The following ZMYM2 variants were observed in gnomAD, a reference collection of about 807,000 sequenced individuals.
ZMYM2 encodes the protein zinc finger MYM-type protein 2.
ZMYM2 carries 56 observed loss-of-function variants against 162.8 expected under a neutral mutation model. The ratio of observed to expected loss-of-function variants is 0.34; its 90% CI spans 0.28 to 0.43. The LOEUF (loss-of-function observed/expected upper bound fraction) is 0.43. ZMYM2 is among the 20% of genes least tolerant of loss of function. The probability of loss-of-function intolerance (pLI) is 1.00; values close to 1 mark genes in which losing one functional copy is unlikely to be tolerated. For synonymous variants in ZMYM2, 510 were observed against 541.6 expected (o/e 0.94, Z 0.81); for missense variants, 1,275 against 1,621.8 (o/e 0.79, Z 3.67).
chr13:19,985,384 A>G (rs1167155349), intron 2 of ZMYM2, among the ~76,000 whole-genome samples: 1 of 152,122 alleles, frequency 6.6e-6, no homozygotes, highest in African/African-American at 2.4e-5. Context: ...TCTGTCTCCT[A>G]AAGTACTGGG....
At chr13:19,917,596 T>A in the ZMYM2 span, among the ~76,000 whole-genome samples, 1,897 of 133,186 alleles carry the variant, frequency 0.014, 22 homozygotes, top group African/African-American at 0.033. Context: ...ATCTCAAATT[T>A]AAAAAAAAAA....
At chr13:19,914,543 A>G in the ZMYM2 span, among the ~76,000 whole-genome samples, 1 of 152,322 alleles carries the variant, frequency 6.6e-6, no homozygotes, top group East Asian at 1.9e-4. Flanking sequence ...CAACTACCTG[A>G]ATGGATTCCT....
the ZMYM2 span, among the ~76,000 whole-genome samples, chr13:19,923,397 C>T: frequency 2.1e-5 from 3 of 144,374 alleles, no homozygotes; most frequent in Non-Finnish European, 3.0e-5. Context: ...GAAAAAAAGT[C>T]AGTGGTCTCA....
intron 18 of ZMYM2, among the ~76,000 whole-genome samples, chr13:20,063,180 A>G (rs1956360151): frequency 1.3e-5 from 2 of 152,010 alleles, no homozygotes; most frequent in Admixed American, 1.3e-4. Flanking sequence ...CTGGAATGAG[A>G]TCACTTGAGT....
At chr13:20,052,757 G>T (rs1229163513) in intron 14 of ZMYM2, among the ~76,000 whole-genome samples, 1 of 152,186 alleles carries the variant, frequency 6.6e-6, no homozygotes, top group Non-Finnish European at 1.5e-5. Flanking sequence ...AAAAGTAGGA[G>T]AATAATAAAG....
the ZMYM2 span, among the ~76,000 whole-genome samples, chr13:19,911,285 C>T: frequency 6.6e-6 from 1 of 152,036 alleles, no homozygotes; most frequent in Non-Finnish European, 1.5e-5. Flanking sequence ...TCTGGAACTC[C>T]TGACCTCAAG....
intron 8 of ZMYM2, 106 bp downstream of exon 8, chr13:20,026,868 T>G (rs1952631801): frequency 8.4e-7 from 1 of 1,187,486 alleles, no homozygotes; most frequent in African/African-American, 1.6e-5. Flanking sequence ...GCTTTTTATT[T>G]TATATTAATC....
intron 5 of ZMYM2, among the ~76,000 whole-genome samples, chr13:20,005,502 A>G (rs781701028): frequency 8.5e-5 from 13 of 152,110 alleles, no homozygotes; most frequent in Admixed American, 2.0e-4. Flanking sequence ...GGTTGGGAAC[A>G]CTCACAGACA....
Position 19,993,626 on chromosome 13 carries a change from C to G in ZMYM2, c.554C>G (p.Ala185Gly), listed in dbSNP as rs1157787335. ...TTEPDSEIQI[A>G]NVTTLETGVS... ...GAACCAGACTCTGAAATTCAGATTG[C>G]TAATGTTACAACTTTAGAAACAGGT... Residue 185 changes from alanine to glycine, a missense_variant, in exon 3 of 25, where the codon GCT becomes GGT. Physicochemically the swap from Ala to Gly is moderately conservative, Grantham distance 60. Transcript: ENST00000610343. 1 of 1,614,098 alleles carries G rather than the reference C, an allele frequency of 6.2e-7. No homozygotes were observed. Among genetic ancestry groups the G allele is most frequent in the East Asian group, 2.2e-5 (1 of 44,870 alleles).
At chr13:19,909,124 T>C in the ZMYM2 span, among the ~76,000 whole-genome samples, 1 of 152,234 alleles carries the variant, frequency 6.6e-6, no homozygotes. Flanking sequence ...TGTTGTCATT[T>C]CTGGATTTTA....
At chr13:19,924,737 C>T in the ZMYM2 span, among the ~76,000 whole-genome samples, 1 of 152,050 alleles carries the variant, frequency 6.6e-6, no homozygotes, top group Non-Finnish European at 1.5e-5. Context: ...TTGTGTCCAC[C>T]TCTTGGCTAT....
At chr13:19,885,667 C>A in the ZMYM2 span, among the ~76,000 whole-genome samples, 1 of 151,580 alleles carries the variant, frequency 6.6e-6, no homozygotes, top group Non-Finnish European at 1.5e-5. Flanking sequence ...TGGTGAAACC[C>A]CTCTCTACTA....
the ZMYM2 span, among the ~76,000 whole-genome samples, chr13:19,886,415 G>A: frequency 6.6e-6 from 1 of 151,406 alleles, no homozygotes; most frequent in Non-Finnish European, 1.5e-5. Context: ...TGCCTGCCTC[G>A]GCCTCCCAAA....
At chr13:19,978,666 T>G (rs1957009320) in intron 2 of ZMYM2, among the ~76,000 whole-genome samples, 1 of 152,122 alleles carries the variant, frequency 6.6e-6, no homozygotes, top group South Asian at 2.1e-4. Context: ...CTGCCTTCCT[T>G]GGCCTCCCAA....
chr13:20,026,522 G>T, intron 7 of ZMYM2, 90 bp from the exon 8 acceptor site: 1 of 1,323,868 alleles, frequency 7.6e-7, no homozygotes, highest in Non-Finnish European at 1.0e-6. Context: ...GGATTGTTTT[G>T]CAGAGGCAAA....
chr13:20,062,843 C>T lies in ZMYM2; in HGVS notation c.2912-3C>T. ...TCCTAATGATAATATGGATTGATTT[C>T]AGGTGTAATTATTGAAACAGATATA... On this transcript the variant is annotated splice_polypyrimidine_tract_variant and splice_region_variant and intron_variant, in intron 17 of 24. Coordinates refer to ENST00000610343, the MANE Select transcript of ZMYM2 (RefSeq NM_197968.4). 6.4e-7 allele frequency: 1 copy of T among 1,559,738 alleles called. No homozygotes were observed. The highest frequency in any genetic ancestry group is 8.7e-7 in the Non-Finnish European group (1 of 1,150,808).
the ZMYM2 span, among the ~76,000 whole-genome samples, chr13:19,919,446 C>T: frequency 3.3e-5 from 5 of 152,004 alleles, no homozygotes; most frequent in African/African-American, 1.2e-4. Context: ...GTGGCTGCAC[C>T]CTTTTACATT....
the ZMYM2 span, among the ~76,000 whole-genome samples, chr13:19,920,360 C>T: frequency 6.6e-6 from 1 of 151,944 alleles, no homozygotes; most frequent in African/African-American, 2.4e-5. Flanking sequence ...AGTCTCAGAC[C>T]CGATTTGGCT....
At chr13:19,930,300 C>T in the ZMYM2 span, among the ~76,000 whole-genome samples, 1 of 151,926 alleles carries the variant, frequency 6.6e-6, no homozygotes, top group Admixed American at 6.6e-5. Context: ...ACTCAGGAGG[C>T]TGAGGCATTA....
Sources: allele counts gnomAD v4.1 joint callset (sites outside exome capture counted in the v4.1 genomes callset), GRCh38; gene constraint gnomAD v4.1.1; transcripts MANE v1.5; gene names NCBI Gene and HGNC (gene_info 2026-07-23, HGNC 2026-07-21).